Variants in SORL1 observed in about 807,000 individuals in gnomAD.
SORL1 encodes the protein sortilin-related receptor.
Under a neutral mutation model 273.7 loss-of-function variants are expected in SORL1, and 127 were observed. The observed-to-expected ratio is 0.46, with a 90% confidence interval of 0.40 to 0.54. SORL1 has a LOEUF of 0.54. Ranked by LOEUF, SORL1 falls within the 20% of genes least tolerant of loss-of-function variation. SORL1 has a pLI of 0.00. For missense variants in SORL1, 2,494 were observed against 2,846.1 expected, an observed-to-expected ratio of 0.88 and a Z score of 2.81; for synonymous variants, 1,031 against 1,067.4, an observed-to-expected ratio of 0.97 and a Z score of 0.66.
At chr11:121,511,333 C>G (rs1245200604) in intron 6 of SORL1, among the ~76,000 whole-genome samples, 1 of 151,916 alleles carries the variant, frequency 6.6e-6, no homozygotes, top group East Asian at 1.9e-4. Context: ...AGAAATCACT[C>G]TTTTTAAAGT....
chr11:121,481,271 G>A (rs1476710429), intron 3 of SORL1, among the ~76,000 whole-genome samples: 67 of 99,824 alleles, frequency 6.7e-4, no homozygotes, highest in East Asian at 9.0e-4. Context: ...CTCCCCTAGT[G>A]CACAGATACC....
At chr11:121,536,771 C>G (rs922414885) in intron 12 of SORL1, among the ~76,000 whole-genome samples, 1 of 151,912 alleles carries the variant, frequency 6.6e-6, no homozygotes, top group Admixed American at 6.6e-5. Flanking sequence ...CTTTAACTTC[C>G]TTCAACAAGC....
At chr11:121,516,746 G>A (rs1012155476) in intron 8 of SORL1, among the ~76,000 whole-genome samples, 12 of 151,942 alleles carry the variant, frequency 7.9e-5, no homozygotes, top group African/African-American at 2.2e-4. Flanking sequence ...GGTTCTTGTC[G>A]TTTTTTATTG....
At chr11:121,575,417 T>C (rs963533562) in intron 24 of SORL1, among the ~76,000 whole-genome samples, 4 of 152,244 alleles carry the variant, frequency 2.6e-5, no homozygotes, top group Non-Finnish European at 5.9e-5. Context: ...GACCCAGACG[T>C]GGTGATGAGT....
intron 32 of SORL1, among the ~76,000 whole-genome samples, chr11:121,599,517 C>G (rs760101972): frequency 5.9e-5 from 9 of 152,180 alleles, no homozygotes; most frequent in Non-Finnish European, 1.3e-4. Flanking sequence ...GCACTCCAGC[C>G]TGGGCAACAA....
chr11:121,562,697 A>G (rs1247709810), intron 21 of SORL1, among the ~76,000 whole-genome samples: 1 of 152,158 alleles, frequency 6.6e-6, no homozygotes, highest in Non-Finnish European at 1.5e-5. Context: ...AGTAATTTGG[A>G]TATGCCAAAG....
intron 1 of SORL1, among the ~76,000 whole-genome samples, chr11:121,467,564 C>A (rs529462385): frequency 6.6e-6 from 1 of 151,872 alleles, no homozygotes; most frequent in Non-Finnish European, 1.5e-5. Context: ...GTTCCTAGTC[C>A]TTTATTGTAT....
chr11:121,514,465 C>A, intron 8 of SORL1, 144 bp downstream of exon 8: 1 of 764,728 alleles, frequency 1.3e-6, no homozygotes, highest in Non-Finnish European at 2.1e-6. Context: ...CTCACGTGCG[C>A]AGAGATCACC....
chr11:121,590,368 A>T, intron 30 of SORL1, 194 bp downstream of exon 30: 1 of 573,594 alleles, frequency 1.7e-6, no homozygotes, highest in Non-Finnish European at 3.0e-6. Flanking sequence ...TTTTCAGGCT[A>T]TTTATTCCGT....
Position 121,490,708 on chromosome 11 carries a change from T to C in SORL1, c.758+598T>C, listed in dbSNP as rs542649095. On this transcript the variant is annotated intron_variant, in intron 5 of 47. Coordinates refer to ENST00000260197, the MANE Select transcript of SORL1 (RefSeq NM_003105.6). ...GTGAGCCGAGATCGCATCACTGCAC[T>C]GCAGCCTGGGCGATACAGTGAGACT... 7.1e-5 allele frequency among the ~76,000 whole-genome samples: 10 copies of C among 140,850 alleles called. No homozygotes were observed. In the South Asian group the frequency reaches 2.0e-3, roughly 28 times the overall value. The allele number at this position is 140,850 out of a possible 152,430, so 92.4% of individuals were successfully genotyped here. A position where few individuals can be genotyped will look rare whatever the true frequency, so the allele number is the denominator to read the frequency against.
chr11:121,486,279 G>GTGTGCATGCGAGGCCTTACATCATC (rs1180951174), intron 3 of SORL1, among the ~76,000 whole-genome samples: 1 of 152,156 alleles, frequency 6.6e-6, no homozygotes, highest in East Asian at 1.9e-4. Context: ...GTCTTGCCAG[G>GTGTGCATGCGAGGCCTTACATCATC]TGTGCATGCG....
chr11:121,499,905 A>G (rs997918746), intron 6 of SORL1, among the ~76,000 whole-genome samples: 2 of 152,244 alleles, frequency 1.3e-5, no homozygotes, highest in Admixed American at 6.5e-5. Context: ...TTCCAGCACC[A>G]TGAATGATTA....
chr11:121,587,747 C>G (rs1863139126), intron 27 of SORL1, among the ~76,000 whole-genome samples: 1 of 152,164 alleles, frequency 6.6e-6, no homozygotes, highest in Non-Finnish European at 1.5e-5. Context: ...CAGCTGTGTA[C>G]TCTTGGCAAA....
intron 2 of SORL1, 49 bp downstream of exon 2, chr11:121,470,172 C>G: frequency 8.4e-7 from 1 of 1,187,834 alleles, no homozygotes; most frequent in Non-Finnish European, 1.3e-6. Flanking sequence ...TCAACATGCC[C>G]TTTTCTGGTC....
Position 121,545,272 on chromosome 11 carries a change from C to G in SORL1, c.1894C>G (p.Leu632Val). 6.2e-7 allele frequency: 1 copy of G among 1,614,164 alleles called. No homozygotes were observed. The highest frequency in any genetic ancestry group is 8.5e-7 in the Non-Finnish European group (1 of 1,179,992). The change falls in exon 14 of 48, where the codon CTG becomes GTG. Residue 632 changes from leucine (L) to valine (V), a missense_variant. By Grantham distance (32) the Leu-to-Val change is conservative. This residue lies in a region of SORL1 where 710 missense variants were observed against 882.5 expected (regional missense o/e 0.80). Coordinates refer to ENST00000260197, the MANE Select transcript of SORL1 (RefSeq NM_003105.6). ...TCCCTGCACAGAGAATGACTACAAG[C>G]TGTGGTCACCATCTGATGAGCGGGG... is the stretch of plus-strand genomic sequence containing the variant. ...GVPCTENDYK[L>V]WSPSDERGNE...
intron 16 of SORL1, among the ~76,000 whole-genome samples, chr11:121,552,149 A>AT (rs1405898140): frequency 1.3e-5 from 2 of 152,196 alleles, no homozygotes; most frequent in African/African-American, 4.8e-5. Context: ...AAAAAAAGGC[A>AT]TGGAATAGGA....
intron 2 of SORL1, among the ~76,000 whole-genome samples, chr11:121,477,388 C>T (rs926138403): frequency 6.6e-6 from 1 of 152,188 alleles, no homozygotes; most frequent in East Asian, 1.9e-4. Context: ...TTTTGGGCAC[C>T]ATTCAACAGA....
intron 24 of SORL1, among the ~76,000 whole-genome samples, chr11:121,575,494 G>A (rs1213450725): frequency 1.3e-5 from 2 of 152,236 alleles, no homozygotes; most frequent in African/African-American, 2.4e-5. Flanking sequence ...CTGTGCTTAC[G>A]CACATGGACA....
rs376153920 is a variant in SORL1 at position 121,619,798 on chromosome 11, G to A, written c.5770G>A (p.Val1924Ile). ...PYQGPSSDYV[V>I]VKMIPDSRLP... The stretch of plus-strand genomic sequence containing the variant: ...CCAGGGGCCATCCTCTGACTACGTT[G>A]TAGTGAAGATGATCCCGGACAGCAG... Residue 1924 changes from valine (V) to isoleucine (I), a missense_variant, in exon 43 of 48, where the codon GTA becomes ATA. Val to Ile is a conservative substitution (Grantham distance 29, BLOSUM62 3). This residue lies in a region of SORL1 where 1,609 missense variants were observed against 1,816.4 expected (regional missense o/e 0.89). Transcript: ENST00000260197. The A allele has an allele frequency of 2.5e-6, 4 of 1,614,134 alleles. No homozygotes were observed. Among genetic ancestry groups the A allele is most frequent in the Non-Finnish European group, 3.4e-6 (4 of 1,179,978 alleles).
Sources: gnomAD v4.1 joint callset for allele counts (sites outside exome capture counted in the v4.1 genomes callset) on GRCh38, gnomAD v4.1.1 for gene constraint, gnomAD v4.1.1 regional missense constraint, MANE v1.5 for transcripts, NCBI Gene and HGNC (gene_info 2026-07-23, HGNC 2026-07-21) for gene names.